MINDY4: variants seen among roughly 807,000 people sequenced by gnomAD.
The protein encoded by MINDY4 is MINDY lysine 48 deubiquitinase 4.
MINDY4 carries 68 observed loss-of-function variants against 87.0 expected under a neutral mutation model. The observed-to-expected ratio is 0.78, with a 90% CI of 0.64 to 0.96. The LOEUF (loss-of-function observed/expected upper bound fraction) is 0.96, where lower values mean the gene tolerates loss of function less well. MINDY4 is among the 40% of genes least tolerant of loss of function. The probability of loss-of-function intolerance (pLI) is 0.00; values close to 1 mark genes in which losing one functional copy is unlikely to be tolerated. For missense variants in MINDY4, 919 were observed against 928.2 expected (o/e 0.99, Z 0.13); for synonymous variants, 379 against 363.2 (o/e 1.04, Z -0.50).
chr7:30,816,338 C>A (rs1021265096), intron 5 of MINDY4, among the ~76,000 whole-genome samples: 49 of 152,120 alleles, frequency 3.2e-4, no homozygotes, highest in African/African-American at 1.0e-3. Flanking sequence ...GTTCCAGAAT[C>A]CAGCCTGACT....
chr7:30,803,787 G>A (rs537707534), intron 5 of MINDY4, among the ~76,000 whole-genome samples: 3 of 152,226 alleles, frequency 2.0e-5, no homozygotes, highest in African/African-American at 7.2e-5. Context: ...GTTTTTCTAC[G>A]GCCTGCATTG....
intron 4 of MINDY4, 193 bp downstream of exon 4, chr7:30,786,185 C>T (rs1212936841): frequency 1.2e-5 from 8 of 681,094 alleles, no homozygotes; most frequent in Non-Finnish European, 1.9e-5. Flanking sequence ...CTTGAGCAGG[C>T]CTCCTTTCCT....
chr7:30,838,056 T>C (rs200192134), intron 7 of MINDY4, among the ~76,000 whole-genome samples: 1 of 152,206 alleles, frequency 6.6e-6, no homozygotes, highest in South Asian at 2.1e-4. Flanking sequence ...GAAGTGGCTG[T>C]AGAATCCACC....
In MINDY4 at chr7:30,882,236, G is replaced by A; in HGVS notation, c.2027G>A (p.Ser676Asn). The stretch of plus-strand genomic sequence containing the variant: ...CCCATCTGGGTGGTTTGCAGTGAGA[G>A]CCACTTCAGCATCCTCTTTAGCCTG... ...RFPIWVVCSE[S>N]HFSILFSLQP... Residue 676 changes from serine (S) to asparagine (N), a missense_variant, in exon 16 of 18, where the codon AGC becomes AAC. Physicochemically the swap from Ser to Asn is conservative, Grantham distance 46 (BLOSUM62 1). Transcript: ENST00000265299. 1 of 1,613,910 alleles carries A rather than the reference G, an allele frequency of 6.2e-7. No individual in the cohort carries two copies.
chr7:30,778,633 A>G, intron 2 of MINDY4, 82 bp downstream of exon 2: 1 of 1,541,884 alleles, frequency 6.5e-7, no homozygotes, highest in Non-Finnish European at 8.9e-7. Context: ...TGCCAGTGAC[A>G]GGAGAGGCTT....
intron 15 of MINDY4, among the ~76,000 whole-genome samples, chr7:30,877,471 C>T (rs1790297997): frequency 6.6e-6 from 1 of 152,138 alleles, no homozygotes; most frequent in African/African-American, 2.4e-5. Flanking sequence ...GTTCTGTGCT[C>T]AGCTGAGGAC....
chr7:30,792,602 A>T (rs942479308), intron 5 of MINDY4, among the ~76,000 whole-genome samples: 1 of 152,180 alleles, frequency 6.6e-6, no homozygotes, highest in African/African-American at 2.4e-5. Context: ...TTTTTCAAAG[A>T]GTTTGGCCAC....
chr7:30,856,427 T>C (rs1471708335), intron 12 of MINDY4, among the ~76,000 whole-genome samples: 2 of 151,810 alleles, frequency 1.3e-5, no homozygotes, highest in Non-Finnish European at 2.9e-5. Context: ...GAGAGGCATG[T>C]CCAGGGCTCA....
At position 30,784,418 on chromosome 7, in the gene MINDY4, A is replaced by G. The variant is rs573813857; in HGVS notation, c.420-1331A>G. Among the ~76,000 whole-genome samples, 9 of 152,164 alleles carry G rather than the reference A, an allele frequency of 5.9e-5. No homozygotes were observed. The East Asian group carries it at 1.7e-3, about 29-fold the overall frequency. ...GGCGAGGGCCTCAGTTCACACTCCC[A>G]TCCTCTTTTCCTGGTTAATTCCCAC... is the stretch of plus-strand genomic sequence containing the variant. On this transcript the variant is annotated intron_variant, in intron 3 of 17. Coordinates refer to ENST00000265299, the MANE Select transcript of MINDY4 (RefSeq NM_032222.3).
chr7:30,846,663 A>G (rs1285273526), intron 9 of MINDY4, among the ~76,000 whole-genome samples: 2 of 151,878 alleles, frequency 1.3e-5, no homozygotes, highest in Non-Finnish European at 2.9e-5. Flanking sequence ...ACGCAGGCAC[A>G]TACAGCCCTG....
intron 12 of MINDY4, chr7:30,858,310 G>C (rs1225632842): frequency 6.6e-6 from 1 of 152,198 alleles, no homozygotes; most frequent in Non-Finnish European, 1.5e-5. Context: ...GGCCCTGTTT[G>C]AAATGCTTTA....
At chr7:30,867,162 G>T (rs1032954814) in intron 13 of MINDY4, among the ~76,000 whole-genome samples, 1 of 152,212 alleles carries the variant, frequency 6.6e-6, no homozygotes, top group Non-Finnish European at 1.5e-5. Flanking sequence ...GAAGGGGCCT[G>T]ACACCCATTG....
At chr7:30,848,034 A>G (rs891870197) in intron 9 of MINDY4, among the ~76,000 whole-genome samples, 2 of 152,346 alleles carry the variant, frequency 1.3e-5, no homozygotes, top group Admixed American at 6.5e-5. Flanking sequence ...GCACCTGGCC[A>G]CTGTTGGCTT....
chr7:30,884,285 T>TGTCC (rs1163077661), intron 17 of MINDY4, among the ~76,000 whole-genome samples: 3 of 152,194 alleles, frequency 2.0e-5, no homozygotes, highest in Non-Finnish European at 4.4e-5. Context: ...CGACATGCTT[T>TGTCC]GTCCGTCCGT....
chr7:30,877,988 C>G (rs1231002182), intron 15 of MINDY4, among the ~76,000 whole-genome samples: 1 of 151,718 alleles, frequency 6.6e-6, no homozygotes, highest in Admixed American at 6.6e-5. Context: ...CCCCTTCCCT[C>G]TTCTTTAACA....
chr7:30,800,477 C>T (rs1725903612), intron 5 of MINDY4, among the ~76,000 whole-genome samples: 1 of 152,100 alleles, frequency 6.6e-6, no homozygotes. Flanking sequence ...TGTCATAGCC[C>T]AGGTAGGCAC....
intron 9 of MINDY4, among the ~76,000 whole-genome samples, chr7:30,848,684 A>G (rs1789303770): frequency 1.3e-5 from 2 of 152,168 alleles, no homozygotes; most frequent in South Asian, 4.1e-4. Flanking sequence ...GGTTCGGTGA[A>G]TGCTTGGTAA....
intron 10 of MINDY4, 78 bp from the exon 11 acceptor site, chr7:30,852,138 C>A: frequency 3.3e-6 from 5 of 1,519,120 alleles, no homozygotes; most frequent in Non-Finnish European, 3.6e-6. Context: ...TATTTAATGA[C>A]ACATGTGGTT....
chr7:30,843,727 A>G (rs1789113815), intron 9 of MINDY4, among the ~76,000 whole-genome samples: 1 of 151,862 alleles, frequency 6.6e-6, no homozygotes, highest in Non-Finnish European at 1.5e-5. Context: ...GAAAACTGCT[A>G]AGCTGGAGGA....
Sources: gnomAD v4.1 joint callset for allele counts (sites outside exome capture counted in the v4.1 genomes callset) on GRCh38, gnomAD v4.1.1 for gene constraint, MANE v1.5 for transcripts, NCBI Gene and HGNC (gene_info 2026-07-23, HGNC 2026-07-21) for gene names.